SLC24A2: variants seen among roughly 807,000 people sequenced by gnomAD.
SLC24A2 encodes the protein sodium/potassium/calcium exchanger 2.
In SLC24A2, 36 loss-of-function variants were observed where a neutral mutation model predicts 62.0. The observed-to-expected ratio is 0.58, with a 90% CI of 0.44 to 0.77. SLC24A2 has a LOEUF of 0.77. Ranked by LOEUF, SLC24A2 falls within the 30% of genes least tolerant of loss-of-function variation. SLC24A2 has a pLI of 0.00. For synonymous variants in SLC24A2, 358 were observed against 294.0 expected, an observed-to-expected ratio of 1.22 and a Z score of -2.23; for missense variants, 846 against 817.9, an observed-to-expected ratio of 1.03 and a Z score of -0.42.
At chr9:19,754,894 G>A (rs1315385870) in intron 2 of SLC24A2, among the ~76,000 whole-genome samples, 1 of 152,050 alleles carries the variant, frequency 6.6e-6, no homozygotes, top group African/African-American at 2.4e-5. Flanking sequence ...CTGAGACCTA[G>A]CCTGCTCCAC....
At chr9:20,086,122 G>C in the SLC24A2 span, among the ~76,000 whole-genome samples, 3 of 152,156 alleles carry the variant, frequency 2.0e-5, no homozygotes, top group Non-Finnish European at 4.4e-5. Flanking sequence ...CTTTGTTAGA[G>C]TCAAGTCCAT....
the SLC24A2 span, among the ~76,000 whole-genome samples, chr9:19,845,335 G>C: frequency 6.6e-6 from 1 of 152,060 alleles, no homozygotes; most frequent in Non-Finnish European, 1.5e-5. Flanking sequence ...GTGGTGTGTG[G>C]AAATGCTACT....
chr9:19,670,822 G>C (rs369475155), intron 2 of SLC24A2, among the ~76,000 whole-genome samples: 105 of 152,218 alleles, frequency 6.9e-4, no homozygotes, highest in African/African-American at 2.4e-3. Flanking sequence ...GGTAGAGGAA[G>C]GCCTGCTTTA....
the SLC24A2 span, among the ~76,000 whole-genome samples, chr9:20,103,877 G>A: frequency 1.3e-5 from 2 of 152,074 alleles, no homozygotes; most frequent in African/African-American, 4.8e-5. Context: ...GAGAGAAGAA[G>A]GCTTCAGACG....
chr9:20,150,483 C>A, the SLC24A2 span, among the ~76,000 whole-genome samples: 8 of 152,050 alleles, frequency 5.3e-5, no homozygotes, highest in Admixed American at 3.9e-4. Flanking sequence ...CAGGTAGTCT[C>A]ATATTCTGCT....
At chr9:19,894,329 G>A in the SLC24A2 span, among the ~76,000 whole-genome samples, 1 of 152,186 alleles carries the variant, frequency 6.6e-6, no homozygotes, top group East Asian at 1.9e-4. Flanking sequence ...CAGCCTCTGA[G>A]ACACATGCTA....
intron 6 of SLC24A2, 80 bp from the exon 7 acceptor site, chr9:19,573,549 G>GAT: frequency 1.2e-6 from 1 of 857,692 alleles, no homozygotes; most frequent in Non-Finnish European, 2.0e-6. Flanking sequence ...GAGAGAGAGA[G>GAT]AGAGAAAGCA....
chr9:20,207,787 G>C, the SLC24A2 span, among the ~76,000 whole-genome samples: 1 of 152,182 alleles, frequency 6.6e-6, no homozygotes, highest in African/African-American at 2.4e-5. Flanking sequence ...ATGGGCACTG[G>C]GGATAACAAA....
At chr9:19,968,796 A>C in the SLC24A2 span, among the ~76,000 whole-genome samples, 4 of 152,220 alleles carry the variant, frequency 2.6e-5, no homozygotes, top group African/African-American at 9.7e-5. Context: ...ATGTGAAAAT[A>C]TTCAAACTGT....
chr9:19,747,211 T>C (rs1460013776), intron 2 of SLC24A2, among the ~76,000 whole-genome samples: 1 of 152,134 alleles, frequency 6.6e-6, no homozygotes, highest in Non-Finnish European at 1.5e-5. Context: ...CCCTCTGTGT[T>C]CCCTCTTCAT....
chr9:19,893,112 C>G, the SLC24A2 span, among the ~76,000 whole-genome samples: 1 of 152,166 alleles, frequency 6.6e-6, no homozygotes, highest in East Asian at 1.9e-4. Flanking sequence ...TTTGGTCCAG[C>G]ATGTAAGAAA....
intron 2 of SLC24A2, among the ~76,000 whole-genome samples, chr9:19,653,284 G>A (rs577195600): frequency 6.6e-6 from 1 of 152,304 alleles, no homozygotes. Context: ...TTGACGTTCT[G>A]TTAGGACACT....
the SLC24A2 span, among the ~76,000 whole-genome samples, chr9:19,819,738 A>C: frequency 6.6e-6 from 1 of 151,878 alleles, no homozygotes; most frequent in Non-Finnish European, 1.5e-5. Flanking sequence ...AATAGGGAAC[A>C]TATCTACACT....
chr9:19,869,525 T>C, the SLC24A2 span, among the ~76,000 whole-genome samples: 1 of 152,232 alleles, frequency 6.6e-6, no homozygotes, highest in African/African-American at 2.4e-5. Flanking sequence ...ATGTTTTTGG[T>C]GTAACATTTT....
chr9:20,195,449 T>G, the SLC24A2 span, among the ~76,000 whole-genome samples: 1 of 152,182 alleles, frequency 6.6e-6, no homozygotes, highest in African/African-American at 2.4e-5. Context: ...TTAGGAAATT[T>G]TCGTGTATTT....
At chr9:20,256,194 C>T in the SLC24A2 span, among the ~76,000 whole-genome samples, 1 of 152,210 alleles carries the variant, frequency 6.6e-6, no homozygotes, top group Non-Finnish European at 1.5e-5. Flanking sequence ...GGGGATTAAG[C>T]TTCCAAAGCA....
At chr9:19,857,293 C>T in the SLC24A2 span, among the ~76,000 whole-genome samples, 1 of 152,306 alleles carries the variant, frequency 6.6e-6, no homozygotes. Flanking sequence ...ACTTTCTCTT[C>T]TAAGGACCCT....
At chr9:19,554,963 T>C (rs1835010458) in intron 7 of SLC24A2, among the ~76,000 whole-genome samples, 1 of 152,126 alleles carries the variant, frequency 6.6e-6, no homozygotes, top group South Asian at 2.1e-4. Flanking sequence ...CTCTATGAAT[T>C]ACATAGGAAG....
chr9:19,851,437 C>A, the SLC24A2 span, among the ~76,000 whole-genome samples: 2 of 152,098 alleles, frequency 1.3e-5, no homozygotes, highest in African/African-American at 4.8e-5. Flanking sequence ...GTCAACCCAT[C>A]ACCTAGGTAT....
Sources: gnomAD v4.1 joint callset for allele counts (sites outside exome capture counted in the v4.1 genomes callset) on GRCh38, gnomAD v4.1.1 for gene constraint, MANE v1.5 for transcripts, NCBI Gene and HGNC (gene_info 2026-07-23, HGNC 2026-07-21) for gene names.